MYRIP: variants seen among roughly 807,000 people sequenced by gnomAD.
The protein encoded by MYRIP is myosin VIIA and Rab interacting protein.
In MYRIP, 49 loss-of-function variants were observed where a neutral mutation model predicts 98.0. The ratio of observed to expected loss-of-function variants is 0.50; its 90% CI spans 0.40 to 0.63. MYRIP has a LOEUF of 0.63. MYRIP is among the 30% of genes least tolerant of loss of function. The probability of loss-of-function intolerance (pLI) is 0.00; values close to 1 mark genes in which losing one functional copy is unlikely to be tolerated. For synonymous variants in MYRIP, 404 were observed against 409.5 expected (o/e 0.99, Z 0.16); for missense variants, 1,004 against 1,058.2 (o/e 0.95, Z 0.71).
intron 1 of MYRIP, among the ~76,000 whole-genome samples, chr3:39,811,012 G>T (rs1559482294): frequency 1.3e-5 from 2 of 152,264 alleles, no homozygotes; most frequent in Non-Finnish European, 2.9e-5. Context: ...GAGACTGGGG[G>T]CTGGCCAGTC....
chr3:39,845,798 C>T (rs774098735), intron 1 of MYRIP, among the ~76,000 whole-genome samples: 5 of 143,808 alleles, frequency 3.5e-5, no homozygotes, highest in African/African-American at 7.8e-5. Flanking sequence ...TTCCAGTCAG[C>T]GCAAGAGCAG....
intron 3 of MYRIP, among the ~76,000 whole-genome samples, chr3:40,142,192 A>G (rs921985421): frequency 6.6e-6 from 1 of 151,058 alleles, no homozygotes; most frequent in Non-Finnish European, 1.5e-5. Context: ...AGCTAGGATT[A>G]AGGCGCCTGC....
intron 10 of MYRIP, among the ~76,000 whole-genome samples, chr3:40,207,137 G>A (rs145821951): frequency 6.6e-6 from 1 of 152,216 alleles, no homozygotes; most frequent in East Asian, 1.9e-4. Context: ...GGTGTTTAAC[G>A]CTCTGCAGAC....
intron 1 of MYRIP, among the ~76,000 whole-genome samples, chr3:39,885,356 C>T (rs549463545): frequency 4.3e-4 from 66 of 152,048 alleles, no homozygotes; most frequent in African/African-American, 1.5e-3. Context: ...GAGTTTCTGC[C>T]GAGAGATCCG....
At chr3:40,139,418 C>G (rs2125559498) in intron 3 of MYRIP, among the ~76,000 whole-genome samples, 1 of 152,330 alleles carries the variant, frequency 6.6e-6, no homozygotes, top group Non-Finnish European at 1.5e-5. Flanking sequence ...AGTCCCGCTG[C>G]TGGCTCCATG....
intron 3 of MYRIP, among the ~76,000 whole-genome samples, chr3:40,121,856 G>A (rs936478442): frequency 2.6e-5 from 4 of 152,142 alleles, no homozygotes; most frequent in African/African-American, 4.8e-5. Flanking sequence ...ATGCCATGCT[G>A]AGCCATATTA....
intron 8 of MYRIP, among the ~76,000 whole-genome samples, chr3:40,178,501 G>A (rs977321910): frequency 4.6e-5 from 7 of 152,042 alleles, no homozygotes; most frequent in East Asian, 3.9e-4. Flanking sequence ...AGTCAGACCC[G>A]AGCTCAACCC....
intron 3 of MYRIP, among the ~76,000 whole-genome samples, chr3:40,131,279 C>T (rs1472429092): frequency 6.6e-6 from 1 of 152,136 alleles, no homozygotes; most frequent in African/African-American, 2.4e-5. Flanking sequence ...TCTGTACCAA[C>T]TCTTATCTAT....
intron 2 of MYRIP, among the ~76,000 whole-genome samples, chr3:40,037,873 G>A (rs563945470): frequency 5.3e-5 from 8 of 152,118 alleles, no homozygotes; most frequent in Non-Finnish European, 7.4e-5. Context: ...ACCCTCTTTG[G>A]AAAAAGCTTA....
At chr3:40,003,112 T>C (rs1162360441) in intron 2 of MYRIP, among the ~76,000 whole-genome samples, 1 of 151,804 alleles carries the variant, frequency 6.6e-6, no homozygotes, top group East Asian at 1.9e-4. Flanking sequence ...TATGTATTTA[T>C]GTCTATTTAT....
intron 2 of MYRIP, among the ~76,000 whole-genome samples, chr3:39,901,697 T>G (rs1018126142): frequency 2.6e-5 from 4 of 152,188 alleles, no homozygotes; most frequent in African/African-American, 7.2e-5. Context: ...CCTTAGACAC[T>G]AAGCAAAAAC....
intron 1 of MYRIP, among the ~76,000 whole-genome samples, chr3:39,854,484 A>C (rs1183136706): frequency 6.6e-6 from 1 of 152,022 alleles, no homozygotes; most frequent in Non-Finnish European, 1.5e-5. Flanking sequence ...CATTTCCAGA[A>C]GTTGTGATTG....
intron 1 of MYRIP, among the ~76,000 whole-genome samples, chr3:39,833,644 A>G (rs1481501676): frequency 1.3e-5 from 2 of 152,182 alleles, no homozygotes; most frequent in Non-Finnish European, 2.9e-5. Flanking sequence ...TGTTTATTGA[A>G]TTTAGAAAAA....
chr3:40,022,767 G>A (rs1029608245), intron 2 of MYRIP, among the ~76,000 whole-genome samples: 2 of 152,162 alleles, frequency 1.3e-5, no homozygotes, highest in African/African-American at 4.8e-5. Flanking sequence ...GGGAAAAGTA[G>A]AGAATGACTC....
intron 10 of MYRIP, among the ~76,000 whole-genome samples, chr3:40,193,740 T>C (rs1300146481): frequency 6.6e-6 from 1 of 152,204 alleles, no homozygotes; most frequent in Non-Finnish European, 1.5e-5. Context: ...TGCTAAATTT[T>C]TGCCAATTTT....
chr3:40,177,611 C>A (rs903777187), intron 8 of MYRIP, among the ~76,000 whole-genome samples: 8 of 152,164 alleles, frequency 5.3e-5, no homozygotes, highest in Middle Eastern at 3.2e-3. Context: ...TTTTAATTTC[C>A]TCCCTCATTG....
At chr3:39,995,177 A>G (rs193006792) in intron 2 of MYRIP, among the ~76,000 whole-genome samples, 1 of 152,346 alleles carries the variant, frequency 6.6e-6, no homozygotes, top group East Asian at 1.9e-4. Flanking sequence ...AACGGAACAA[A>G]GCTGTAGGAG....
intron 3 of MYRIP, among the ~76,000 whole-genome samples, chr3:40,045,159 C>T (rs1238809928): frequency 1.3e-5 from 2 of 152,180 alleles, no homozygotes; most frequent in African/African-American, 4.8e-5. Context: ...CCTTTCTCCT[C>T]TCCCTGCCCT....
chr3:40,249,754 T>C (rs1490138895), intron 13 of MYRIP, among the ~76,000 whole-genome samples: 1 of 152,162 alleles, frequency 6.6e-6, no homozygotes, highest in African/African-American at 2.4e-5. Context: ...ATGGAGGAGA[T>C]GGACTTGAAC....
Sources: gnomAD v4.1 joint callset for allele counts (sites outside exome capture counted in the v4.1 genomes callset) on GRCh38, gnomAD v4.1.1 for gene constraint, MANE v1.5 for transcripts, NCBI Gene and HGNC (gene_info 2026-07-23, HGNC 2026-07-21) for gene names.